PTCD2: variants seen among roughly 807,000 people sequenced by gnomAD.
PTCD2 encodes the protein pentatricopeptide repeat-containing protein 2, mitochondrial.
In PTCD2, 31 loss-of-function variants were observed where a neutral mutation model predicts 42.6. That is an observed-to-expected ratio of 0.73 (90% CI 0.55 to 0.98). The LOEUF (loss-of-function observed/expected upper bound fraction) is 0.98. PTCD2 is among the 50% of genes least tolerant of loss of function. PTCD2 has a pLI of 0.00. For missense variants in PTCD2, 476 were observed against 454.8 expected (o/e 1.05, Z -0.42); for synonymous variants, 183 against 170.9 (o/e 1.07, Z -0.55).
rs1753219961 is a variant in PTCD2, at chr5:72,366,994, A to C, written c.*8567A>C. The C allele has an allele frequency of 6.6e-6, 1 of 152,256 alleles. No homozygotes were observed. Among genetic ancestry groups the C allele is most frequent in the Admixed American group, 6.5e-5 (1 of 15,290 alleles). 9.4% of individuals were successfully genotyped at this position (152,256 alleles called of 1,614,324 possible). On this transcript the variant is annotated 3_prime_UTR_variant, in exon 10 of 10. Transcript: ENST00000380639. ...CTGTTTGCCTTTATTAACTAAAATCACATTTGTGTGTGAAAGAAGTAAAAA... is the reference window on the plus strand; with the variant it reads ...CTGTTTGCCTTTATTAACTAAAATCCCATTTGTGTGTGAAAGAAGTAAAAA...
At chr5:72,326,481 G>T in intron 2 of PTCD2, 131 bp from the exon 3 acceptor site, 2 of 868,070 alleles carry the variant, frequency 2.3e-6, no homozygotes, top group South Asian at 3.3e-5. Context: ...GATGGCAGCT[G>T]TGTGTTTCTG....
chr5:72,349,352 C>G (rs1752507735), intron 8 of PTCD2, among the ~76,000 whole-genome samples: 1 of 152,122 alleles, frequency 6.6e-6, no homozygotes, highest in African/African-American at 2.4e-5. Context: ...TACCTAATTG[C>G]AAAGAATACT....
chr5:72,352,874 G>T (rs920323048), intron 9 of PTCD2, 120 bp downstream of exon 9: 1 of 584,440 alleles, frequency 1.7e-6, no homozygotes, highest in Admixed American at 3.4e-5. Context: ...CAGCTTCTCT[G>T]TTGTTCCTGT....
At position 72,362,163 on chromosome 5, in the gene PTCD2, G is replaced by A. The variant is rs1397446361; in HGVS notation, c.*3736G>A. On this transcript the variant is annotated 3_prime_UTR_variant, in exon 10 of 10. Coordinates refer to ENST00000380639, the MANE Select transcript of PTCD2 (RefSeq NM_024754.5). ...CTCTAATACCATACACTCAGTGCAG[G>A]GTCTGAATGTCCCCCCAAACTCATA... The A allele has an allele frequency of 2.0e-5, 3 of 152,106 alleles. No individual in the cohort carries two copies. The highest frequency in any genetic ancestry group is 6.5e-5 in the Admixed American group (1 of 15,268). 9.4% of individuals were successfully genotyped at this position (152,106 alleles called of 1,614,324 possible).
chr5:72,349,294 A>G (rs1752505625), intron 8 of PTCD2, among the ~76,000 whole-genome samples: 1 of 152,220 alleles, frequency 6.6e-6, no homozygotes, highest in African/African-American at 2.4e-5. Context: ...GTCTCATCTA[A>G]CAACTTGTAC....
At chr5:72,338,561 T>TA in intron 6 of PTCD2, 61 bp from the exon 7 acceptor site, 1 of 840,602 alleles carries the variant, frequency 1.2e-6, no homozygotes, top group Non-Finnish European at 1.9e-6. Flanking sequence ...TGAGCACTAT[T>TA]AATCATTTTA....
intron 4 of PTCD2, among the ~76,000 whole-genome samples, chr5:72,333,383 T>C (rs1580153780): frequency 1.3e-5 from 2 of 152,338 alleles, no homozygotes; most frequent in South Asian, 4.1e-4. Context: ...TAATATTTTT[T>C]TTCACTTGTC....
rs1753105960 is a variant in PTCD2 at position 72,361,981 on chromosome 5, C to G, written c.*3554C>G. On this transcript the variant is annotated 3_prime_UTR_variant, in exon 10 of 10. Coordinates refer to ENST00000380639, the MANE Select transcript of PTCD2 (RefSeq NM_024754.5). The stretch of plus-strand genomic sequence containing the variant: ...CACTGTCTGTTTTCTTCACTAGACT[C>G]AGGTGCCATGTCTGTCCTTTCTGCT... 6.6e-6 allele frequency: 1 copy of G among 152,360 alleles called. No homozygotes were observed. Among genetic ancestry groups the G allele is most frequent in the Non-Finnish European group, 1.5e-5 (1 of 68,146 alleles). 9.4% of individuals were successfully genotyped at this position (152,360 alleles called of 1,614,324 possible). A position where few individuals can be genotyped will look rare whatever the true frequency, so the allele number is the denominator to read the frequency against.
intron 8 of PTCD2, among the ~76,000 whole-genome samples, chr5:72,344,316 A>T (rs1373191446): frequency 6.6e-6 from 1 of 152,218 alleles, no homozygotes; most frequent in South Asian, 2.1e-4. Context: ...GATCGAGATC[A>T]TCTTGGCCAA....
chr5:72,332,906 A>G (rs906863721), intron 4 of PTCD2, among the ~76,000 whole-genome samples: 2 of 152,228 alleles, frequency 1.3e-5, no homozygotes, highest in Non-Finnish European at 2.9e-5. Flanking sequence ...AAAGAATGCA[A>G]TGTATGTTAA....
intron 9 of PTCD2, among the ~76,000 whole-genome samples, chr5:72,357,479 G>T (rs1360375425): frequency 1.3e-5 from 2 of 152,130 alleles, no homozygotes; most frequent in East Asian, 3.9e-4. Flanking sequence ...GTACACTCCA[G>T]TTCATTCTCT....
intron 8 of PTCD2, among the ~76,000 whole-genome samples, chr5:72,344,190 A>G (rs1054591375): frequency 2.0e-4 from 30 of 152,060 alleles, no homozygotes; most frequent in Admixed American, 9.2e-4. Flanking sequence ...TTGTTGGGAT[A>G]TTGGTTTTGG....
intron 2 of PTCD2, among the ~76,000 whole-genome samples, chr5:72,325,405 G>A (rs1484104087): frequency 6.6e-6 from 1 of 152,176 alleles, no homozygotes. Context: ...GGCAGTTACC[G>A]AATGACAAAT....
chr5:72,344,356 C>CA (rs1304656393), intron 8 of PTCD2, among the ~76,000 whole-genome samples: 2 of 152,022 alleles, frequency 1.3e-5, no homozygotes, highest in Non-Finnish European at 2.9e-5. Flanking sequence ...TACCAAAATA[C>CA]AAAAAATTAG....
chr5:72,352,234 G>A (rs541377974), intron 8 of PTCD2, among the ~76,000 whole-genome samples: 4 of 152,186 alleles, frequency 2.6e-5, no homozygotes, highest in South Asian at 4.2e-4. Context: ...TGCAACCTCC[G>A]CCTCTCAGGT....
In PTCD2 at chr5:72,340,422, G is replaced by C. The variant is rs141799601; in HGVS notation, c.753+1687G>C. The stretch of plus-strand genomic sequence containing the variant: ...TTTGGCCTGCTGATAATAAAGATAA[G>C]GAAATGGGAATGCCTTTTCTACCTT... On this transcript the variant is annotated intron_variant, in intron 7 of 9. Coordinates refer to ENST00000380639, the MANE Select transcript of PTCD2 (RefSeq NM_024754.5). Among the ~76,000 whole-genome samples, 9 of 152,166 alleles carry C rather than the reference G, an allele frequency of 5.9e-5. No homozygotes were observed. In the East Asian group the frequency reaches 1.7e-3, roughly 29 times the overall value.
chr5:72,357,848 T>A (rs555830816), intron 9 of PTCD2, among the ~76,000 whole-genome samples: 14 of 127,152 alleles, frequency 1.1e-4, no homozygotes, highest in African/African-American at 4.9e-4. Context: ...TATACCATAC[T>A]TTTTTTTTTT....
chr5:72,341,871 T>C (rs1288270082), intron 7 of PTCD2, among the ~76,000 whole-genome samples: 1 of 151,618 alleles, frequency 6.6e-6, no homozygotes, highest in Non-Finnish European at 1.5e-5. Context: ...TAAAACCCTG[T>C]CTCTACTGAA....
At chr5:72,333,895 C>T (rs1020383361) in intron 4 of PTCD2, among the ~76,000 whole-genome samples, 1 of 152,098 alleles carries the variant, frequency 6.6e-6, no homozygotes, top group Admixed American at 6.6e-5. Flanking sequence ...GCTCCGTCAC[C>T]TAAGCGGGAA....
Sources: gnomAD v4.1 joint callset for allele counts (sites outside exome capture counted in the v4.1 genomes callset) on GRCh38, gnomAD v4.1.1 for gene constraint, MANE v1.5 for transcripts, NCBI Gene and HGNC (gene_info 2026-07-23, HGNC 2026-07-21) for gene names.